The following XKR9 variants were observed in gnomAD, a reference collection of about 807,000 sequenced individuals.
XKR9 encodes XK related 9.
A neutral mutation model predicts 32.0 loss-of-function variants in XKR9; 32 were observed. The observed-to-expected ratio is 1.00, with a 90% CI of 0.76 to 1.34. The LOEUF (loss-of-function observed/expected upper bound fraction) is 1.34. Among genes scored for constraint, XKR9 ranks in the 40% most tolerant of loss-of-function variants. XKR9 has a pLI of 0.00. For missense variants in XKR9, 546 were observed against 429.7 expected (o/e 1.27, Z -2.39); for synonymous variants, 168 against 143.4 (o/e 1.17, Z -1.22).
the XKR9 span, among the ~76,000 whole-genome samples, chr8:70,874,387 A>G: frequency 6.6e-6 from 1 of 152,216 alleles, no homozygotes; most frequent in African/African-American, 2.4e-5. Context: ...TGAAGGAGGA[A>G]AGCCTTGAAT....
chr8:70,976,932 C>A, the XKR9 span, among the ~76,000 whole-genome samples: 1 of 152,110 alleles, frequency 6.6e-6, no homozygotes, highest in Non-Finnish European at 1.5e-5. Context: ...CAACTTCTTC[C>A]TGGTTTAGTC....
the XKR9 span, among the ~76,000 whole-genome samples, chr8:70,978,520 C>G: frequency 6.6e-6 from 1 of 152,172 alleles, no homozygotes; most frequent in Non-Finnish European, 1.5e-5. Context: ...ATACGAAATT[C>G]TGGGTTGAAA....
the XKR9 span, among the ~76,000 whole-genome samples, chr8:70,840,036 C>T: frequency 6.6e-6 from 1 of 152,146 alleles, no homozygotes; most frequent in African/African-American, 2.4e-5. Flanking sequence ...TCCTAAAGGT[C>T]ATGCATGGCT....
chr8:70,798,117 G>A, the XKR9 span, among the ~76,000 whole-genome samples: 2 of 152,142 alleles, frequency 1.3e-5, no homozygotes, highest in African/African-American at 2.4e-5. Context: ...TATGTTCTTT[G>A]AGAAATTGCC....
At chr8:70,677,609 A>G (rs192885103) in intron 2 of XKR9, among the ~76,000 whole-genome samples, 1 of 152,324 alleles carries the variant, frequency 6.6e-6, no homozygotes, top group East Asian at 1.9e-4. Flanking sequence ...TCACACAGCT[A>G]TAAATGTTTT....
At chr8:70,803,923 G>A in the XKR9 span, among the ~76,000 whole-genome samples, 2 of 152,152 alleles carry the variant, frequency 1.3e-5, no homozygotes, top group South Asian at 2.1e-4. Flanking sequence ...GCTCTAAAAG[G>A]TGTTGCCCTC....
the XKR9 span, among the ~76,000 whole-genome samples, chr8:70,924,255 C>T: frequency 6.6e-6 from 1 of 152,148 alleles, no homozygotes; most frequent in Non-Finnish European, 1.5e-5. Context: ...TTCATCTCTC[C>T]TCAACCCTGT....
At chr8:70,739,192 T>C (rs1331367597), downstream of XKR9, among the ~76,000 whole-genome samples, 1 of 152,174 alleles carries the variant, frequency 6.6e-6, no homozygotes, top group East Asian at 1.9e-4. Context: ...TGAGCTCTTC[T>C]TGTTGAATTG....
the XKR9 span, among the ~76,000 whole-genome samples, chr8:71,029,736 A>G: frequency 6.6e-6 from 1 of 152,160 alleles, no homozygotes; most frequent in Non-Finnish European, 1.5e-5. Flanking sequence ...TTCTCTTTGA[A>G]CATCTAAAAG....
the XKR9 span, among the ~76,000 whole-genome samples, chr8:70,796,523 CT>C: frequency 6.6e-6 from 1 of 151,986 alleles, no homozygotes; most frequent in Non-Finnish European, 1.5e-5. Flanking sequence ...ACAGTACAAA[CT>C]TTTGGCTTCA....
At chr8:70,992,975 C>A in the XKR9 span, among the ~76,000 whole-genome samples, 49 of 152,336 alleles carry the variant, frequency 3.2e-4, 1 homozygote, top group South Asian at 9.3e-3. Context: ...AATCTCTTCC[C>A]TTTGTTCTGG....
the XKR9 span, among the ~76,000 whole-genome samples, chr8:70,973,291 G>C: frequency 6.6e-6 from 1 of 151,780 alleles, no homozygotes; most frequent in African/African-American, 2.4e-5. Flanking sequence ...CTGTATTTGT[G>C]GTATTAGTTG....
At chr8:71,024,093 G>A in the XKR9 span, among the ~76,000 whole-genome samples, 1 of 152,214 alleles carries the variant, frequency 6.6e-6, no homozygotes, top group Non-Finnish European at 1.5e-5. Flanking sequence ...CATGGGAACA[G>A]GTGGTGATGA....
the XKR9 span, among the ~76,000 whole-genome samples, chr8:71,019,189 A>G: frequency 5.3e-5 from 8 of 151,798 alleles, no homozygotes; most frequent in Admixed American, 4.6e-4. Context: ...TCAATAAGGT[A>G]TTTTATAGAT....
At chr8:71,005,392 T>A in the XKR9 span, among the ~76,000 whole-genome samples, 1 of 151,700 alleles carries the variant, frequency 6.6e-6, no homozygotes, top group Non-Finnish European at 1.5e-5. Context: ...CCAGCTAATT[T>A]GTTGTATTTT....
chr8:70,688,516 A>G (rs1397205652), intron 3 of XKR9, among the ~76,000 whole-genome samples: 2 of 151,768 alleles, frequency 1.3e-5, no homozygotes, highest in Non-Finnish European at 2.9e-5. Flanking sequence ...TCCCAGGTTC[A>G]TGCCATTCTT....
the XKR9 span, among the ~76,000 whole-genome samples, chr8:70,829,878 C>A: frequency 6.6e-6 from 1 of 152,120 alleles, no homozygotes; most frequent in Non-Finnish European, 1.5e-5. Flanking sequence ...AAACGTGATA[C>A]CACACTAGGG....
At chr8:70,983,127 C>G in the XKR9 span, among the ~76,000 whole-genome samples, 1 of 152,128 alleles carries the variant, frequency 6.6e-6, no homozygotes, top group Non-Finnish European at 1.5e-5. Context: ...TGAGAGAATT[C>G]TCATCTCGAA....
At position 70,714,850 on chromosome 8, in the gene XKR9, A is replaced by G. The variant is rs573377777; in HGVS notation, c.493+7697A>G. 1.6e-4 allele frequency among the ~76,000 whole-genome samples: 24 copies of G among 152,322 alleles called. 1 individual carries two copies. The South Asian group carries it at 5.0e-3, about 32-fold the overall frequency. Reference sequence around the variant, plus strand: ...TAAATTAATGAAAATCTCTGAATTAATAAGTAAAGAATTAATAAGAATAAT... The same window carrying G: ...TAAATTAATGAAAATCTCTGAATTAGTAAGTAAAGAATTAATAAGAATAAT... On this transcript the variant is annotated intron_variant, in intron 4 of 4. Coordinates refer to ENST00000408926, the MANE Select transcript of XKR9 (RefSeq NM_001011720.2).
Sources: gnomAD v4.1 joint callset for allele counts (sites outside exome capture counted in the v4.1 genomes callset) on GRCh38, gnomAD v4.1.1 for gene constraint, MANE v1.5 for transcripts, NCBI Gene and HGNC (gene_info 2026-07-23, HGNC 2026-07-21) for gene names.